The following NHEJ1 variants were observed in gnomAD, a reference collection of about 807,000 sequenced individuals.
NHEJ1 encodes non-homologous end-joining factor 1.
NHEJ1 carries 22 observed loss-of-function variants against 39.4 expected under a neutral mutation model. The ratio of observed to expected loss-of-function variants is 0.56; its 90% confidence interval spans 0.40 to 0.80. The LOEUF (loss-of-function observed/expected upper bound fraction) is 0.80. NHEJ1 is among the 30% of genes least tolerant of loss of function. The pLI, the probability that NHEJ1 is intolerant of heterozygous loss-of-function variation, is 0.00. For missense variants in NHEJ1, 329 were observed against 357.1 expected, an observed-to-expected ratio of 0.92 and a Z score of 0.63; for synonymous variants, 154 against 135.6, an observed-to-expected ratio of 1.14 and a Z score of -0.94.
Position 219,137,595 on chromosome 2 carries a change from A to AAAAAAAAAAAAAAAAC in NHEJ1, c.588+9084_588+9085insGTTTTTTTTTTTTTTT, listed in dbSNP as rs143557047. Among the ~76,000 whole-genome samples the AAAAAAAAAAAAAAAAC allele has an allele frequency of 1.8e-3, 149 of 82,716 alleles. 8 individuals are homozygous for AAAAAAAAAAAAAAAAC. The highest frequency in any genetic ancestry group is 3.2e-3 in the Non-Finnish European group (104 of 32,942). 54.3% of individuals were successfully genotyped at this position (82,716 alleles called of 152,430 possible). ...CAAAAAAAAAAAAAAAAAAAAAACAAAAAAAACTGAAAACCACCTTCAGAA... is the reference window on the plus strand; with the variant it reads ...CAAAAAAAAAAAAAAAAAAAAAACAAAAAAAAAAAAAAAAACAAAAAACTGAAAACCACCTTCAGAA... On this transcript the variant is annotated intron_variant, in intron 5 of 7. Transcript: ENST00000356853.
chr2:219,149,985 C>T (rs1291229767), intron 3 of NHEJ1, among the ~76,000 whole-genome samples: 1 of 152,240 alleles, frequency 6.6e-6, no homozygotes, highest in Non-Finnish European at 1.5e-5. Context: ...AAAAGGAGTA[C>T]TTTTAGACAA....
intron 5 of NHEJ1, among the ~76,000 whole-genome samples, chr2:219,119,109 T>A (rs531152096): frequency 8.5e-5 from 13 of 152,286 alleles, no homozygotes; most frequent in African/African-American, 3.1e-4. Flanking sequence ...GAGGAGCCGA[T>A]GTTCTCCATG....
At position 219,069,555 on chromosome 2, in the gene NHEJ1, GAAATA is replaced by G. The variant is rs1256764799; in HGVS notation, c.*6821_*6825del. 1 of 152,186 alleles carries G rather than the reference GAAATA, an allele frequency of 6.6e-6. No homozygotes were observed. The highest frequency in any genetic ancestry group is 2.4e-5 in the African/African-American group (1 of 41,416). The allele number at this position is 152,186 out of a possible 1,614,324, so 9.4% of individuals were successfully genotyped here. A position where few individuals can be genotyped will look rare whatever the true frequency, so the allele number is the denominator to read the frequency against. ...GCTTTCCACCAGAAAGACAACTTAGGAAATAGCTCCTGGCTGTGAGAACCTAAGAG... is the reference window on the plus strand; with the variant it reads ...GCTTTCCACCAGAAAGACAACTTAGGGCTCCTGGCTGTGAGAACCTAAGAG... On this transcript the variant is annotated 3_prime_UTR_variant, in exon 8 of 8. Transcript: ENST00000356853.
rs1419250758 is a variant in NHEJ1 at position 219,158,189 on chromosome 2, G to GGCTCGCTGGCTGACCACACTTT, written c.173_174insAAAGTGTGGTCAGCCAGCGAGC (p.Glu60CysfsTer26). 6.2e-7 allele frequency: 1 copy of GGCTCGCTGGCTGACCACACTTT among 1,614,114 alleles called. No individual in the cohort carries two copies. The highest frequency in any genetic ancestry group is 2.2e-5 in the East Asian group (1 of 44,878). The stretch of plus-strand genomic sequence containing the variant: ...CAGTACTTCTCCTCATACTTACCTT[G>GGCTCGCTGGCTGACCACACTTT]GCTCGCTGGCTGACCACACTAGTGT... On this transcript the variant is annotated frameshift_variant, in exon 2 of 8. Coordinates refer to ENST00000356853, the MANE Select transcript of NHEJ1 (RefSeq NM_024782.3). LOFTEE classifies it high-confidence loss of function.
chr2:219,150,610 A>G (rs1376031315), intron 3 of NHEJ1, among the ~76,000 whole-genome samples: 1 of 152,198 alleles, frequency 6.6e-6, no homozygotes, highest in African/African-American at 2.4e-5. Flanking sequence ...GCTTGAGCTT[A>G]GGAGTTTGAG....
intron 5 of NHEJ1, among the ~76,000 whole-genome samples, chr2:219,079,358 T>C (rs992780534): frequency 6.6e-6 from 1 of 152,144 alleles, no homozygotes; most frequent in African/African-American, 2.4e-5. Flanking sequence ...GATTGGCCCA[T>C]ACCTTGGGTC....
intron 5 of NHEJ1, among the ~76,000 whole-genome samples, chr2:219,108,125 C>A (rs552545610): frequency 6.6e-6 from 1 of 152,052 alleles, no homozygotes; most frequent in Admixed American, 6.6e-5. Context: ...ACACAGGGAA[C>A]AAGAAGAAAA....
Position 219,147,659 on chromosome 2 carries a change from C to T in NHEJ1, c.527G>A (p.Arg176Gln), listed in dbSNP as rs746945256. The stretch of plus-strand genomic sequence containing the variant: ...CTCCTCCAAGAATGTCCTCTTACCT[C>T]GAATCAGCGTAGCCCCACTCTCCTG... ...DYQESGATLI[R>Q]DRLKTEPFEE... Residue 176 changes from arginine to glutamine, a missense_variant and splice_region_variant, in exon 4 of 8, where the codon CGA becomes CAA. Physicochemically the swap from Arg to Gln is conservative, Grantham distance 43. Transcript: ENST00000356853. 2.5e-6 allele frequency: 4 copies of T among 1,614,162 alleles called. No individual in the cohort carries two copies. Among genetic ancestry groups the T allele is most frequent in the Non-Finnish European group, 2.5e-6 (3 of 1,180,024 alleles).
At chr2:219,140,532 A>G (rs1195257461) in intron 5 of NHEJ1, among the ~76,000 whole-genome samples, 1 of 152,238 alleles carries the variant, frequency 6.6e-6, no homozygotes, top group Admixed American at 6.5e-5. Flanking sequence ...GGTAAAGCCA[A>G]CAGGATTTCC....
At position 219,147,673 on chromosome 2, in the gene NHEJ1, C is replaced by A. The variant is rs759426248; in HGVS notation, c.513G>T (p.Gly171=). Residue 171 remains glycine, a synonymous_variant, in exon 4 of 8, where the codon GGG becomes GGT. Transcript: ENST00000356853. ...DLEIQDYQES[G]ATLIRDRLKT... ...TCCTCTTACCTCGAATCAGCGTAGC[C>A]CCACTCTCCTGGTAGTCTTGGATCT... 7 of 1,614,112 alleles carry A rather than the reference C, an allele frequency of 4.3e-6. No homozygotes were observed. The South Asian group carries it at 6.6e-5, about 15-fold the overall frequency.
At chr2:219,105,552 G>A (rs1023350678) in intron 5 of NHEJ1, among the ~76,000 whole-genome samples, 16 of 152,260 alleles carry the variant, frequency 1.1e-4, no homozygotes, top group African/African-American at 3.4e-4. Flanking sequence ...AGGTGTTCAC[G>A]AAGTATTTAA....
At position 219,076,451 on chromosome 2, in the gene NHEJ1, G is replaced by A. The variant is rs145834367; in HGVS notation, c.830C>T (p.Thr277Ile). The change falls in exon 8 of 8, where the codon ACT becomes ATT. Residue 277 changes from threonine (T) to isoleucine (I), a missense_variant. Physicochemically the swap from Thr to Ile is moderately conservative, Grantham distance 89. Transcript: ENST00000356853. ...CTGAGGTCTCTGCAGAGGGCCTGAA[G>A]TACCCTAGAAAAAAGGGAACCCAAG... The part of the protein sequence containing the change: ...LSAPEKESTG[T>I]SGPLQRPQLS... 150 of 1,612,420 alleles carry A rather than the reference G, an allele frequency of 9.3e-5. No individual in the cohort carries two copies. Among genetic ancestry groups the A allele is most frequent in the Non-Finnish European group, 1.2e-4 (147 of 1,179,358 alleles).
intron 2 of NHEJ1, among the ~76,000 whole-genome samples, 157 bp from the exon 3 acceptor site, chr2:219,157,841 AAAG>A: frequency 6.6e-6 from 1 of 152,286 alleles, no homozygotes; most frequent in Non-Finnish European, 1.5e-5. Context: ...AAGAAAACAA[AAAG>A]AAGAGAGTCA....
At chr2:219,082,850 A>G (rs993221125) in intron 5 of NHEJ1, among the ~76,000 whole-genome samples, 3 of 152,120 alleles carry the variant, frequency 2.0e-5, no homozygotes, top group African/African-American at 7.2e-5. Context: ...CTAGATACAA[A>G]CTTCCTTCCC....
At chr2:219,083,272 C>G (rs1230313226) in intron 5 of NHEJ1, among the ~76,000 whole-genome samples, 1 of 152,018 alleles carries the variant, frequency 6.6e-6, no homozygotes, top group Non-Finnish European at 1.5e-5. Context: ...CAAATGAAAT[C>G]CCTAAATCAA....
At chr2:219,133,488 G>A (rs918615554) in intron 5 of NHEJ1, among the ~76,000 whole-genome samples, 3 of 152,244 alleles carry the variant, frequency 2.0e-5, no homozygotes, top group African/African-American at 7.2e-5. Flanking sequence ...AAATGAGCAA[G>A]ACAGTTCTGC....
At chr2:219,103,935 T>C (rs1369835665) in intron 5 of NHEJ1, among the ~76,000 whole-genome samples, 1 of 152,240 alleles carries the variant, frequency 6.6e-6, no homozygotes, top group Non-Finnish European at 1.5e-5. Context: ...CAGGTTTGCC[T>C]AACTCTAGAG....
intron 3 of NHEJ1, among the ~76,000 whole-genome samples, chr2:219,152,251 G>A (rs966624042): frequency 2.6e-5 from 4 of 152,076 alleles, no homozygotes; most frequent in Admixed American, 6.6e-5. Flanking sequence ...ATCTTTTTCC[G>A]AGGAAAAGCT....
chr2:219,112,248 C>G (rs1211410104), intron 5 of NHEJ1, among the ~76,000 whole-genome samples: 1 of 152,140 alleles, frequency 6.6e-6, no homozygotes, highest in Non-Finnish European at 1.5e-5. Flanking sequence ...ACAATTTAAA[C>G]TGACCTGGTT....
Sources: gnomAD v4.1 joint callset for allele counts (sites outside exome capture counted in the v4.1 genomes callset) on GRCh38, gnomAD v4.1.1 for gene constraint, MANE v1.5 for transcripts, NCBI Gene and HGNC (gene_info 2026-07-23, HGNC 2026-07-21) for gene names.